Variants in MYO9B observed in about 807,000 individuals in gnomAD.
The protein encoded by MYO9B is unconventional myosin-IXb.
A neutral mutation model predicts 229.5 loss-of-function variants in MYO9B; 71 were observed. The ratio of observed to expected loss-of-function variants is 0.31; its 90% CI spans 0.26 to 0.38. The LOEUF is 0.38. MYO9B is among the 10% of genes least tolerant of loss of function. The pLI is 1.00. For missense variants in MYO9B, 2,255 were observed against 2,920.5 expected (o/e 0.77, Z 5.25); for synonymous variants, 1,185 against 1,235.8 (o/e 0.96, Z 0.86).
intron 2 of MYO9B, among the ~76,000 whole-genome samples, chr19:17,118,638 C>T (rs149070752): frequency 0.014 from 2,148 of 152,108 alleles, 19 homozygotes; most frequent in Non-Finnish European, 0.018. Context: ...TGCGCCATCA[C>T]GCCCACCTGA....
At position 17,212,246 on chromosome 19, in the gene MYO9B, A is replaced by G; in HGVS notation, c.6410A>G (p.Lys2137Arg). The G allele has an allele frequency of 6.3e-7, 1 of 1,579,522 alleles. No individual in the cohort carries two copies. The highest frequency in any genetic ancestry group is 8.6e-7 in the Non-Finnish European group (1 of 1,166,176). The change falls in exon 40 of 40, where the codon AAG becomes AGG. Residue 2137 changes from lysine to arginine, a missense_variant. Transcript: ENST00000682292. The surrounding 1 kb of genome is among the most constrained non-coding windows in gnomAD (Gnocchi z 5.4). ...LEEDGQPPGAKRRYSDPPTYC... is the reference protein window; with the variant it reads ...LEEDGQPPGARRRYSDPPTYC... ...GAGGATGGCCAGCCACCTGGGGCCA[A>G]GCGGAGGTACTCGGATCCCCCAACG...
At chr19:17,184,214 A>G (rs3786515) in intron 16 of MYO9B, among the ~76,000 whole-genome samples, 81,379 of 151,948 alleles carry the variant, frequency 0.54, 22,585 homozygotes, top group East Asian at 0.74. Context: ...GGTTCATAGC[A>G]CCACAGAGCT....
At position 17,172,453 on chromosome 19, in the gene MYO9B, A is replaced by G. The variant is rs187226583; in HGVS notation, c.1911A>G (p.Ala637=). 1 of 1,613,846 alleles carries G rather than the reference A, an allele frequency of 6.2e-7. No homozygotes were observed. Among genetic ancestry groups the G allele is most frequent in the Non-Finnish European group, 8.5e-7 (1 of 1,179,830 alleles). ...CAGCTTTCATCATCCAGCACTTCGC[A>G]GGGAAGGTGAAATATCAGATCAAGG... ...MEPAFIIQHF[A]GKVKYQIKDF... Residue 637 remains alanine, a synonymous_variant, in exon 12 of 40, where the codon GCA becomes GCG. Transcript: ENST00000682292. The surrounding 1 kb of genome is among the most constrained non-coding windows in gnomAD (Gnocchi z 8.2).
At chr19:17,098,141 A>C (rs1406180501) in intron 1 of MYO9B, among the ~76,000 whole-genome samples, 1 of 142,748 alleles carries the variant, frequency 7.0e-6, no homozygotes, top group Admixed American at 7.2e-5. Flanking sequence ...TACAACCTTC[A>C]CCTCCCAGAT....
At chr19:17,146,590 CATGG>C (rs1278989568) in intron 3 of MYO9B, among the ~76,000 whole-genome samples, 2 of 151,708 alleles carry the variant, frequency 1.3e-5, no homozygotes, top group African/African-American at 4.8e-5. Context: ...TGGATGGATT[CATGG>C]ATGGAGAGAT....
rs763505252 is a variant in MYO9B, at chr19:17,195,358, G to C, written c.3931G>C (p.Glu1311Gln). The change falls in exon 22 of 40, where the codon GAA (glutamate) becomes CAA (glutamine). Residue 1311 changes from glutamate to glutamine, a missense_variant. Glu to Gln is a conservative substitution (Grantham distance 29). This residue lies in a region of MYO9B where 679 missense variants were observed against 770.2 expected (regional missense o/e 0.88). Transcript: ENST00000682292. This position sits in a 1 kb window ranked among gnomAD's most constrained non-coding sequence, Gnocchi z 4.5. ...LDAERLASAV[E>Q]LWRGKKLVAA... is the part of the protein sequence containing the mutation. ...CGCCGAGCGGCTGGCCAGCGCCGTG[G>C]AACTGTGGCGGGGCAAGAAGCTGGT... The C allele has an allele frequency of 1.2e-6, 2 of 1,612,066 alleles. No individual in the cohort carries two copies. Among genetic ancestry groups the C allele is most frequent in the Non-Finnish European group, 8.5e-7 (1 of 1,179,660 alleles).
chr19:17,160,924 C>T (rs2072593863), intron 8 of MYO9B, among the ~76,000 whole-genome samples: 1 of 152,090 alleles, frequency 6.6e-6, no homozygotes, highest in East Asian at 1.9e-4. Context: ...GTCTTGAACT[C>T]CTGACCTCAG....
At chr19:17,207,487 G>C in intron 35 of MYO9B, 1 of 271,414 alleles carries the variant, frequency 3.7e-6, no homozygotes, top group Non-Finnish European at 6.8e-6. Context: ...TTGGAAATTT[G>C]TATTTAAATA....
At chr19:17,185,818 A>T (rs2145422216) in intron 17 of MYO9B, 103 bp from the exon 18 acceptor site, 1 of 895,478 alleles carries the variant, frequency 1.1e-6, no homozygotes, top group Non-Finnish European at 1.8e-6. Context: ...TGCAGACCCC[A>T]TCCACCCCAC....
At chr19:17,141,580 C>T (rs965808091) in intron 2 of MYO9B, among the ~76,000 whole-genome samples, 6 of 151,916 alleles carry the variant, frequency 3.9e-5, no homozygotes, top group African/African-American at 1.2e-4. Flanking sequence ...TTTTCCTAAA[C>T]GAAAGAGCCC....
Position 17,209,527 on chromosome 19 carries a change from A to C in MYO9B, c.5625-59A>C, listed in dbSNP as rs1599430804. ...CAGGCACCAGCTAGCATCTCCCTGG[A>C]CCTCAGACGTCCCCGGGGCGGTAAC... is the stretch of plus-strand genomic sequence containing the variant. On this transcript the variant is annotated intron_variant, in intron 35 of 39. Coordinates refer to ENST00000682292, the MANE Select transcript of MYO9B (RefSeq NM_004145.4). 8 of 1,533,930 alleles carry C rather than the reference A, an allele frequency of 5.2e-6. No individual in the cohort carries two copies. In the South Asian group the frequency reaches 7.4e-5, roughly 14 times the overall value.
In MYO9B at chr19:17,207,239, C is replaced by G; in HGVS notation, c.5619C>G (p.Ile1873Met). The G allele has an allele frequency of 6.3e-7, 1 of 1,595,288 alleles. No homozygotes were observed. The highest frequency in any genetic ancestry group is 1.1e-5 in the South Asian group (1 of 87,468). The change falls in exon 35 of 40, where the codon ATC becomes ATG. Residue 1873 changes from isoleucine to methionine, a missense_variant. Around this residue, in one of 7 missense-constraint regions of MYO9B, gnomAD observed 416 missense variants for 605.5 expected, o/e 0.69. Coordinates refer to ENST00000682292, the MANE Select transcript of MYO9B (RefSeq NM_004145.4). The stretch of plus-strand genomic sequence containing the variant: ...CCAGCATGAAGGACGTCCTCAAGAT[C>G]ACCACGTGAGTGCCCACCCTGCCCC... ...PLTSMKDVLKITTCVEMLIKE... is the reference protein window; with the variant it reads ...PLTSMKDVLKMTTCVEMLIKE...
At chr19:17,098,132 A>T (rs912902553) in intron 1 of MYO9B, among the ~76,000 whole-genome samples, 53 of 147,818 alleles carry the variant, frequency 3.6e-4, no homozygotes, top group African/African-American at 1.3e-3. Flanking sequence ...GCGGCTCGCT[A>T]CAACCTTCAC....
chr19:17,076,457 T>C (rs1269220072), intron 1 of MYO9B, among the ~76,000 whole-genome samples: 4 of 151,070 alleles, frequency 2.6e-5, no homozygotes, highest in African/African-American at 9.8e-5. Flanking sequence ...GTAAACGGAG[T>C]AGAAGTCACG....
intron 1 of MYO9B, among the ~76,000 whole-genome samples, chr19:17,098,442 T>C (rs1376588572): frequency 6.6e-6 from 1 of 152,198 alleles, no homozygotes; most frequent in Non-Finnish European, 1.5e-5. Context: ...TTTTAACTGC[T>C]GCGCTGGATT....
chr19:17,144,110 G>A (rs1422134023), intron 2 of MYO9B, among the ~76,000 whole-genome samples: 1 of 151,910 alleles, frequency 6.6e-6, no homozygotes, highest in East Asian at 1.9e-4. Flanking sequence ...CAGCTACTTG[G>A]GAGGCTGAGG....
intron 3 of MYO9B, 47 bp from the exon 4 acceptor site, chr19:17,152,597 T>A: frequency 5.6e-6 from 8 of 1,416,126 alleles, no homozygotes; most frequent in Non-Finnish European, 7.8e-6. Context: ...ATTAACACAA[T>A]ACTAAAATGT....
chr19:17,209,953 C>G (rs2073207413), intron 36 of MYO9B, among the ~76,000 whole-genome samples: 1 of 152,200 alleles, frequency 6.6e-6, no homozygotes, highest in Non-Finnish European at 1.5e-5. Context: ...TTGGCCACAA[C>G]CAGCCTGGCT....
chr19:17,112,992 G>A (rs777218188), intron 2 of MYO9B, among the ~76,000 whole-genome samples: 1 of 152,232 alleles, frequency 6.6e-6, no homozygotes, highest in Admixed American at 6.5e-5. Context: ...GGGTCAGGAC[G>A]GGGCCAAGGC....
Sources: allele counts gnomAD v4.1 joint callset (sites outside exome capture counted in the v4.1 genomes callset), GRCh38; gene constraint gnomAD v4.1.1; regional missense constraint gnomAD v4.1.1; non-coding constraint Gnocchi (gnomAD v3.1); transcripts MANE v1.5; gene names NCBI Gene and HGNC (gene_info 2026-07-23, HGNC 2026-07-21).